The following CCDC188 variants were observed in gnomAD, a reference collection of about 807,000 sequenced individuals.
CCDC188 encodes coiled-coil domain-containing protein 188.
In CCDC188, 37 loss-of-function variants were observed where a neutral mutation model predicts 50.7. That is an observed-to-expected ratio of 0.73 (90% CI 0.56 to 0.96). The LOEUF (loss-of-function observed/expected upper bound fraction) is 0.96. Among genes scored for constraint, CCDC188 ranks in the 40% least tolerant of loss-of-function variants. The pLI is 0.00. For synonymous variants in CCDC188, 208 were observed against 228.0 expected (o/e 0.91, Z 0.79); for missense variants, 453 against 512.9 (o/e 0.88, Z 1.13).
Position 20,149,970 on chromosome 22 carries a change from G to A in CCDC188, c.717C>T (p.Phe239=), listed in dbSNP as rs780478668. Residue 239 remains phenylalanine (F), a synonymous_variant, in exon 3 of 9, where the codon TTC becomes TTT. Transcript: ENST00000439765. ...RRELCQGQEA[F]VQQSQNELQQ... is the part of the protein sequence containing the mutation. ...CCAGGCCCACCTGGGACTGTTGCAC[G>A]AAAGCCTCTTGCCCCTGGCACAGCT... 1.1e-5 allele frequency: 17 copies of A among 1,547,364 alleles called. No individual in the cohort carries two copies. Among genetic ancestry groups the A allele is most frequent in the Admixed American group, 3.9e-5 (2 of 50,844 alleles).
At chr22:20,149,893 G>C in intron 3 of CCDC188, 62 bp downstream of exon 3, 2 of 1,500,726 alleles carry the variant, frequency 1.3e-6, no homozygotes, top group Middle Eastern at 2.1e-4. Context: ...GAATCCCTCA[G>C]GCCCACCTGG....
chr22:20,150,419 C>CGGTG, intron 1 of CCDC188, 49 bp downstream of exon 1: 1 of 743,644 alleles, frequency 1.3e-6, no homozygotes, highest in Non-Finnish European at 1.6e-6. Flanking sequence ...GGGTACCAGG[C>CGGTG]GGTGGGTGGG....
Position 20,150,671 on chromosome 22 carries a change from G to T in CCDC188, c.316C>A (p.Pro106Thr), listed in dbSNP as rs2050610742. 6.5e-7 allele frequency: 1 copy of T among 1,548,898 alleles called. No homozygotes were observed. Among genetic ancestry groups the T allele is most frequent in the Non-Finnish European group, 8.7e-7 (1 of 1,146,036 alleles). ...DLEAGLGWGW[P>T]LHPGSNQGAP... is the part of the protein sequence containing the mutation. ...CCCTGGTTCGACCCTGGGTGCAGGG[G>T]CCAGCCCCACCCAAGCCCTGCCTCC... Residue 106 changes from proline to threonine, a missense_variant, in exon 1 of 9, where the codon CCC (proline) becomes ACC (threonine). Transcript: ENST00000439765.
In CCDC188 at chr22:20,149,786, G is replaced by T; in HGVS notation, c.733-6C>A. The T allele has an allele frequency of 6.6e-7, 1 of 1,509,002 alleles. No individual in the cohort carries two copies. The highest frequency in any genetic ancestry group is 1.3e-5 in the South Asian group (1 of 76,498). The allele number at this position is 1,509,002 out of a possible 1,614,324, so 93.5% of individuals were successfully genotyped here. On this transcript the variant is annotated splice_polypyrimidine_tract_variant and splice_region_variant and intron_variant, in intron 3 of 8. Coordinates refer to ENST00000439765, the MANE Select transcript of CCDC188 (RefSeq NM_001365892.2). Reference sequence around the variant, plus strand: ...CGGATCTGCTGCAGCTCGTTCTGAGGGTGGGGCCCAGGATGGGCTTGGGCA... The same window carrying T: ...CGGATCTGCTGCAGCTCGTTCTGAGTGTGGGGCCCAGGATGGGCTTGGGCA...
In CCDC188 at chr22:20,150,059, G is replaced by T. The variant is rs537952898; in HGVS notation, c.628C>A (p.Pro210Thr). 1 of 1,546,742 alleles carries T rather than the reference G, an allele frequency of 6.5e-7. No individual in the cohort carries two copies. The highest frequency in any genetic ancestry group is 2.0e-5 in the Admixed American group (1 of 50,770). ...GGCTGCGTGCCAGCCGGGTCGGGGG[G>T]CTGTGGGAGAGCCCCCAGATCAGCC... ...EHSSCTALAW[P>T]PDPAGTQPLG... Residue 210 changes from proline (P) to threonine (T), a missense_variant and splice_region_variant, in exon 3 of 9, where the codon CCC becomes ACC. Transcript: ENST00000439765.
rs1242722683 is a variant in CCDC188 at position 20,150,315 on chromosome 22, A to T, written c.520-65T>A. The T allele has an allele frequency of 3.2e-5, 26 of 823,800 alleles. No homozygotes were observed. In the East Asian group the frequency reaches 3.6e-4, roughly 12 times the overall value. The allele number at this position is 823,800 out of a possible 1,614,324, so 51.0% of individuals were successfully genotyped here. On this transcript the variant is annotated intron_variant, in intron 1 of 8. Transcript: ENST00000439765. ...CCGCTCCTGCGGCTGGGGCTGGGGC[A>T]GGGGCAGGGGCGCCAGGTGGTGGGT...
rs1247677207 is a variant in CCDC188 at position 20,150,352 on chromosome 22, T to TGGGGCA, written c.520-108_520-103dup. ...GCCAGGTGGTGGGTGGGGCTGGGGC[T>TGGGGCA]GGGGCAGGGGCAGGGGCAGGGGCGC... On this transcript the variant is annotated intron_variant, in intron 1 of 8. Transcript: ENST00000439765. The TGGGGCA allele has an allele frequency of 1.9e-3, 1,431 of 752,664 alleles. 17 individuals carry two copies. Among genetic ancestry groups the TGGGGCA allele is most frequent in the East Asian group, 5.8e-4 (17 of 29,090 alleles). 46.6% of individuals were successfully genotyped at this position (752,664 alleles called of 1,614,324 possible).
At position 20,149,655 on chromosome 22, in the gene CCDC188, G is replaced by A. The variant is rs1209735575; in HGVS notation, c.790-15C>T. ...TTGTCCCACACCTAGGGGGAGGTGG[G>A]GTCACGCCTGAGGAGCAGGACCCAC... On this transcript the variant is annotated splice_polypyrimidine_tract_variant and intron_variant, in intron 4 of 8. Coordinates refer to ENST00000439765, the MANE Select transcript of CCDC188 (RefSeq NM_001365892.2). The A allele has an allele frequency of 1.3e-6, 2 of 1,549,586 alleles. No homozygotes were observed. The highest frequency in any genetic ancestry group is 8.7e-7 in the Non-Finnish European group (1 of 1,146,568).
chr22:20,150,855 G>A lies in CCDC188; in HGVS notation c.132C>T (p.Gly44=). 1 of 1,518,502 alleles carries A rather than the reference G, an allele frequency of 6.6e-7. No individual in the cohort carries two copies. The highest frequency in any genetic ancestry group is 8.9e-7 in the Non-Finnish European group (1 of 1,125,030). 94.1% of individuals were successfully genotyped at this position (1,518,502 alleles called of 1,614,324 possible). A position where few individuals can be genotyped will look rare whatever the true frequency, so the allele number is the denominator to read the frequency against. The change falls in exon 1 of 9, where the codon GGC becomes GGT. Residue 44 remains glycine (G), a synonymous_variant. Coordinates refer to ENST00000439765, the MANE Select transcript of CCDC188 (RefSeq NM_001365892.2). ...GCACTGAGTGAGCAGAGGAGATGGG[G>A]CCCAGGCAGGGCCACCCTACAAATC... ...CQGFVGWPCL[G]PISSAHSVQS...
At position 20,148,637 on chromosome 22, in the gene CCDC188, C is replaced by T; in HGVS notation, c.1186G>A (p.Val396Met). ...ALLDPFLRLKVDGFLPF is the reference protein window; with the variant it reads ...ALLDPFLRLKMDGFLPF ...GCCTAGAAGGGCAGGAAGCCGTCCA[C>T]TTTGAGGCGCAGGAAGGGGTCCAGC... Residue 396 changes from valine (V) to methionine (M), a missense_variant, in exon 9 of 9, where the codon GTG becomes ATG. Physicochemically the swap from Val to Met is conservative, Grantham distance 21 (BLOSUM62 1). Coordinates refer to ENST00000439765, the MANE Select transcript of CCDC188 (RefSeq NM_001365892.2). The T allele has an allele frequency of 9.1e-6, 14 of 1,546,912 alleles. No individual in the cohort carries two copies. Among genetic ancestry groups the T allele is most frequent in the Non-Finnish European group, 1.1e-5 (13 of 1,145,726 alleles).
chr22:20,149,134 G>A, intron 7 of CCDC188, 53 bp downstream of exon 7: 1 of 1,376,618 alleles, frequency 7.3e-7, no homozygotes, highest in Non-Finnish European at 9.7e-7. Context: ...CCCAAGCAGG[G>A]CCCTGGGTGG....
rs1173958745 is a variant in CCDC188, at chr22:20,148,467, A to G, written c.*147T>C. 1.5e-6 allele frequency: 2 copies of G among 1,362,004 alleles called. No homozygotes were observed. Among genetic ancestry groups the G allele is most frequent in the Non-Finnish European group, 1.9e-6 (2 of 1,060,792 alleles). The allele number at this position is 1,362,004 out of a possible 1,614,324, so 84.4% of individuals were successfully genotyped here. A position where few individuals can be genotyped will look rare whatever the true frequency, so the allele number is the denominator to read the frequency against. ...ATGTCCAGCCACAGGCCCAGCCCTC[A>G]GGACAGACCCCACCTCCACCCTTCT... On this transcript the variant is annotated 3_prime_UTR_variant, in exon 9 of 9. Coordinates refer to ENST00000439765, the MANE Select transcript of CCDC188 (RefSeq NM_001365892.2).
At position 20,149,752 on chromosome 22, in the gene CCDC188, A is replaced by AAGCAC; in HGVS notation, c.756_760dup (p.Phe254CysfsTer24). 1 of 1,525,160 alleles carries AAGCAC rather than the reference A, an allele frequency of 6.6e-7. No individual in the cohort carries two copies. Among genetic ancestry groups the AAGCAC allele is most frequent in the South Asian group, 1.3e-5 (1 of 79,622 alleles). 94.5% of individuals were successfully genotyped at this position (1,525,160 alleles called of 1,614,324 possible). A position where few individuals can be genotyped will look rare whatever the true frequency, so the allele number is the denominator to read the frequency against. On this transcript the variant is annotated frameshift_variant, in exon 4 of 9. Coordinates refer to ENST00000439765, the MANE Select transcript of CCDC188 (RefSeq NM_001365892.2). LOFTEE classifies it high-confidence loss of function. Reference sequence around the variant, plus strand: ...TGTGATGACCATCTTCTTCCTCTCAAAGCACAGGCGGATCTGCTGCAGCTC... The same window carrying AAGCAC: ...TGTGATGACCATCTTCTTCCTCTCAAAGCACAGCACAGGCGGATCTGCTGCAGCTC...
intron 8 of CCDC188, 26 bp downstream of exon 8, chr22:20,148,849 C>T: frequency 6.8e-7 from 1 of 1,468,872 alleles, no homozygotes; most frequent in South Asian, 1.4e-5. Flanking sequence ...GGCCTGGGGG[C>T]TGGGCTCTGC....
chr22:20,150,186 A>C lies in CCDC188; in HGVS notation c.584T>G (p.Leu195Arg), dbSNP rs2050599042. 1 of 1,548,426 alleles carries C rather than the reference A, an allele frequency of 6.5e-7. No homozygotes were observed. The highest frequency in any genetic ancestry group is 1.2e-5 in the South Asian group (1 of 83,920). ...GCTTGAGTGTTCGGGACACAGGGGC[A>C]GGAACTGCTGCCCCGGCCCCAGGAG... ...GALLGPGQQF[L>R]PLCPEHSSCT... The change falls in exon 2 of 9, where the codon CTG becomes CGG. Residue 195 changes from leucine to arginine, a missense_variant. By Grantham distance (102) the Leu-to-Arg change is moderately radical. Coordinates refer to ENST00000439765, the MANE Select transcript of CCDC188 (RefSeq NM_001365892.2).
Position 20,149,997 on chromosome 22 carries a change from C to T in CCDC188, c.690G>A (p.Arg230=). ...GNRAPLQLLR[R]ELCQGQEAFV... ...AAGCCTCTTGCCCCTGGCACAGCTC[C>T]CGCCGCAGCAGCTGCAGAGGTGCCC... Residue 230 remains arginine, a synonymous_variant, in exon 3 of 9, where the codon CGG becomes CGA. Coordinates refer to ENST00000439765, the MANE Select transcript of CCDC188 (RefSeq NM_001365892.2). 6.5e-7 allele frequency: 1 copy of T among 1,548,360 alleles called. No homozygotes were observed. The highest frequency in any genetic ancestry group is 8.7e-7 in the Non-Finnish European group (1 of 1,146,754).
Position 20,150,789 on chromosome 22 carries a change from A to C in CCDC188, c.198T>G (p.Ser66Arg). ...RPFPVPGAGG[S>R]GPTVEGEAPG... ...GAGCCTCGCCCTCCACTGTGGGCCC[A>C]CTGCCCCCTGCCCCTGGGACTGGGA... The change falls in exon 1 of 9, where the codon AGT becomes AGG. Residue 66 changes from serine to arginine, a missense_variant. By Grantham distance (110) the Ser-to-Arg change is moderately radical. Transcript: ENST00000439765. 6.5e-7 allele frequency: 1 copy of C among 1,549,760 alleles called. No individual in the cohort carries two copies. The highest frequency in any genetic ancestry group is 2.4e-5 in the East Asian group (1 of 40,918).
In CCDC188 at chr22:20,149,955, C is replaced by G; in HGVS notation, c.732G>C (p.Gln244His). 1 of 1,545,698 alleles carries G rather than the reference C, an allele frequency of 6.5e-7. No homozygotes were observed. Among genetic ancestry groups the G allele is most frequent in the Non-Finnish European group, 8.7e-7 (1 of 1,145,028 alleles). The change falls in exon 3 of 9, where the codon CAG becomes CAC. Residue 244 changes from glutamine to histidine, a missense_variant and splice_region_variant. By Grantham distance (24) the Gln-to-His change is conservative. Coordinates refer to ENST00000439765, the MANE Select transcript of CCDC188 (RefSeq NM_001365892.2). Reference protein sequence around the residue: ...QGQEAFVQQSQNELQQIRLCF... With the variant: ...QGQEAFVQQSHNELQQIRLCF... Reference sequence around the variant, plus strand: ...CCCACAGCCCCTCCCCCAGGCCCACCTGGGACTGTTGCACGAAAGCCTCTT... The same window carrying G: ...CCCACAGCCCCTCCCCCAGGCCCACGTGGGACTGTTGCACGAAAGCCTCTT...
intron 1 of CCDC188, 73 bp from the exon 2 acceptor site, chr22:20,150,323 G>A: frequency 8.9e-7 from 1 of 1,129,106 alleles, no homozygotes; most frequent in Non-Finnish European, 1.2e-6. Context: ...GCAGGGGCAG[G>A]GGCGCCAGGT....
Sources: gnomAD v4.1 joint callset for allele counts on GRCh38, gnomAD v4.1.1 for gene constraint, MANE v1.5 for transcripts, NCBI Gene and HGNC (gene_info 2026-07-23, HGNC 2026-07-21) for gene names.